Variants in ITFG1 observed in about 807,000 individuals in gnomAD.
The protein encoded by ITFG1 is integrin alpha FG-GAP repeat containing 1.
A neutral mutation model predicts 81.8 loss-of-function variants in ITFG1; 34 were observed. That is an observed-to-expected ratio of 0.42 (90% confidence interval 0.32 to 0.55). ITFG1 has a LOEUF of 0.55. Among genes scored for constraint, ITFG1 ranks in the 20% least tolerant of loss-of-function variants. ITFG1 has a pLI of 0.17. For synonymous variants in ITFG1, 285 were observed against 270.6 expected (o/e 1.05, Z -0.52); for missense variants, 672 against 755.4 (o/e 0.89, Z 1.29).
In ITFG1 at chr16:47,428,810, T is replaced by A. The variant is rs1334464665; in HGVS notation, c.649A>T (p.Thr217Ser). The A allele has an allele frequency of 6.2e-7, 1 of 1,604,678 alleles. No individual in the cohort carries two copies. Among genetic ancestry groups the A allele is most frequent in the Non-Finnish European group, 8.5e-7 (1 of 1,173,050 alleles). ...HAFIDLTEDFTADLFLTTLNA... is the reference protein window; with the variant it reads ...HAFIDLTEDFSADLFLTTLNA... ...AGATTTATGTGCAACTCACCTGCTG[T>A]AAAATCTTCAGTCAGATCAATAAAT... The change falls in exon 6 of 18, where the codon ACA becomes TCA. Residue 217 changes from threonine to serine, a missense_variant. Physicochemically the swap from Thr to Ser is moderately conservative, Grantham distance 58 (BLOSUM62 1). Transcript: ENST00000320640.
At chr16:47,397,849 G>C (rs1477573099) in intron 6 of ITFG1, among the ~76,000 whole-genome samples, 1 of 152,182 alleles carries the variant, frequency 6.6e-6, no homozygotes, top group East Asian at 1.9e-4. Flanking sequence ...CACACTGCAG[G>C]CAGCCACGGG....
intron 10 of ITFG1, among the ~76,000 whole-genome samples, chr16:47,307,813 T>C (rs1967194168): frequency 6.6e-6 from 1 of 152,162 alleles, no homozygotes; most frequent in Non-Finnish European, 1.5e-5. Flanking sequence ...CCCTCTCTAG[T>C]AGTTCCCAGT....
intron 6 of ITFG1, among the ~76,000 whole-genome samples, chr16:47,407,548 T>C (rs1218018472): frequency 6.6e-6 from 1 of 152,166 alleles, no homozygotes; most frequent in Non-Finnish European, 1.5e-5. Flanking sequence ...GGTTTTGCCA[T>C]GTTGGCCAGG....
chr16:47,232,516 C>G (rs574450703), intron 13 of ITFG1, among the ~76,000 whole-genome samples: 49 of 151,936 alleles, frequency 3.2e-4, no homozygotes, highest in Non-Finnish European at 1.6e-4. Flanking sequence ...GATGGATTAG[C>G]CTTAAAATAC....
At chr16:47,386,379 G>C (rs1416577342) in intron 6 of ITFG1, among the ~76,000 whole-genome samples, 2 of 152,164 alleles carry the variant, frequency 1.3e-5, no homozygotes, top group East Asian at 1.9e-4. Flanking sequence ...CAAAAACACA[G>C]GGCTCCCCCT....
chr16:47,203,036 T>C (rs949513366), intron 14 of ITFG1, among the ~76,000 whole-genome samples: 5 of 151,996 alleles, frequency 3.3e-5, no homozygotes, highest in African/African-American at 1.2e-4. Flanking sequence ...GGTGTCCAAG[T>C]GATATTTGTA....
chr16:47,450,240 T>C lies in ITFG1; in HGVS notation c.560+1156A>G, dbSNP rs149251556. The stretch of plus-strand genomic sequence containing the variant: ...CTCTAAAGCAAGACTCTCTTCAAGA[T>C]ATTTTTCAAATTTTGGAGAAAAAAA... On this transcript the variant is annotated intron_variant, in intron 5 of 17. Coordinates refer to ENST00000320640, the MANE Select transcript of ITFG1 (RefSeq NM_030790.5). The C allele has an allele frequency of 2.9e-3, 514 of 177,282 alleles. 3 individuals are homozygous for C. The highest frequency in any genetic ancestry group is 4.3e-3 in the Non-Finnish European group (352 of 81,728). The allele number at this position is 177,282 out of a possible 1,614,324, so 11.0% of individuals were successfully genotyped here. A position where few individuals can be genotyped will look rare whatever the true frequency, so the allele number is the denominator to read the frequency against.
At chr16:47,246,555 C>T (rs1184333736) in intron 12 of ITFG1, among the ~76,000 whole-genome samples, 1 of 152,100 alleles carries the variant, frequency 6.6e-6, no homozygotes, top group African/African-American at 2.4e-5. Context: ...TTATCTGTGT[C>T]CACTCAGAAA....
At position 47,313,931 on chromosome 16, in the gene ITFG1, CAG is replaced by C. The variant is rs1374226288; in HGVS notation, c.803-110_803-109del. ...AAAGTCTACATCAATCTGGATAAAA[CAG>C]AAGAATTTGACACATGGCTTCAAAA... is the stretch of plus-strand genomic sequence containing the variant. On this transcript the variant is annotated intron_variant, in intron 8 of 17. Transcript: ENST00000320640. The C allele has an allele frequency of 4.4e-5, 24 of 540,022 alleles. No individual in the cohort carries two copies. The Admixed American group carries it at 7.9e-4, about 18-fold the overall frequency. The allele number at this position is 540,022 out of a possible 1,614,324, so 33.5% of individuals were successfully genotyped here. A position where few individuals can be genotyped will look rare whatever the true frequency, so the allele number is the denominator to read the frequency against.
At chr16:47,373,592 T>A (rs1056421139) in intron 7 of ITFG1, among the ~76,000 whole-genome samples, 1 of 152,162 alleles carries the variant, frequency 6.6e-6, no homozygotes, top group African/African-American at 2.4e-5. Context: ...AAATACCACA[T>A]CTTTCTTGAG....
At chr16:47,281,075 T>C (rs1366480351) in intron 10 of ITFG1, among the ~76,000 whole-genome samples, 1 of 152,140 alleles carries the variant, frequency 6.6e-6, no homozygotes, top group African/African-American at 2.4e-5. Context: ...TGGGGAGGAA[T>C]GAGGACTCCT....
chr16:47,191,568 A>G (rs1362190039), intron 14 of ITFG1, among the ~76,000 whole-genome samples: 1 of 152,128 alleles, frequency 6.6e-6, no homozygotes, highest in Admixed American at 6.6e-5. Flanking sequence ...CTCTTAGCAT[A>G]TTAATCACAG....
At chr16:47,180,354 C>T (rs1423507502) in intron 14 of ITFG1, among the ~76,000 whole-genome samples, 2 of 151,140 alleles carry the variant, frequency 1.3e-5, no homozygotes, top group Non-Finnish European at 3.0e-5. Context: ...GTATTATTGC[C>T]CTCTCCCTCT....
chr16:47,164,559 T>C (rs939936160), intron 14 of ITFG1, among the ~76,000 whole-genome samples: 14 of 152,256 alleles, frequency 9.2e-5, no homozygotes, highest in Non-Finnish European at 1.8e-4. Context: ...CCCAAAAATA[T>C]GTTGTAGCTT....
chr16:47,216,106 G>T (rs1965621149), intron 14 of ITFG1, among the ~76,000 whole-genome samples: 1 of 152,052 alleles, frequency 6.6e-6, no homozygotes, highest in Non-Finnish European at 1.5e-5. Flanking sequence ...ATAGTAATGG[G>T]TAGTGAATAT....
chr16:47,263,117 A>C (rs548595436), intron 10 of ITFG1: 1 of 247,804 alleles, frequency 4.0e-6, no homozygotes, highest in East Asian at 1.0e-4. Context: ...AGCTGCCTCC[A>C]AGCTGCCTGA....
chr16:47,182,019 C>G (rs562918342), intron 14 of ITFG1, among the ~76,000 whole-genome samples: 1 of 152,148 alleles, frequency 6.6e-6, no homozygotes, highest in Non-Finnish European at 1.5e-5. Context: ...TCCCTAATCT[C>G]AAGTACCCAG....
intron 8 of ITFG1, among the ~76,000 whole-genome samples, chr16:47,361,620 G>A (rs534322712): frequency 6.6e-6 from 1 of 152,240 alleles, no homozygotes; most frequent in African/African-American, 2.4e-5. Flanking sequence ...TTCCAAATAT[G>A]AGACCAGGGC....
chr16:47,318,943 G>A (rs1368441414), intron 8 of ITFG1, among the ~76,000 whole-genome samples: 2 of 152,032 alleles, frequency 1.3e-5, no homozygotes, highest in Admixed American at 6.6e-5. Context: ...CCCATCTATC[G>A]TCAAACTCAA....
Sources: gnomAD v4.1 joint callset for allele counts (sites outside exome capture counted in the v4.1 genomes callset) on GRCh38, gnomAD v4.1.1 for gene constraint, MANE v1.5 for transcripts, NCBI Gene and HGNC (gene_info 2026-07-23, HGNC 2026-07-21) for gene names.